The following CAMKMT variants were observed in gnomAD, a reference collection of about 807,000 sequenced individuals.
CAMKMT encodes calmodulin-lysine N-methyltransferase.
Under a neutral mutation model 48.0 loss-of-function variants are expected in CAMKMT, and 53 were observed. The observed-to-expected ratio is 1.10, with a 90% confidence interval of 0.89 to 1.39. CAMKMT has a LOEUF of 1.39. Among genes scored for constraint, CAMKMT ranks in the 40% most tolerant of loss-of-function variants. CAMKMT has a pLI of 0.00. For missense variants in CAMKMT, 428 were observed against 402.7 expected (o/e 1.06, Z -0.54); for synonymous variants, 165 against 152.3 (o/e 1.08, Z -0.61).
At chr2:44,721,214 G>T (rs1678445721) in intron 7 of CAMKMT, among the ~76,000 whole-genome samples, 1 of 152,120 alleles carries the variant, frequency 6.6e-6, no homozygotes, top group South Asian at 2.1e-4. Context: ...GTCTGACTTT[G>T]TTGGGAATCT....
intron 6 of CAMKMT, among the ~76,000 whole-genome samples, chr2:44,709,928 T>A (rs2104287758): frequency 6.6e-6 from 1 of 152,208 alleles, no homozygotes; most frequent in African/African-American, 2.4e-5. Context: ...AATGAATACA[T>A]CAGTGAAATG....
intron 3 of CAMKMT, among the ~76,000 whole-genome samples, chr2:44,586,321 GTATA>G (rs150949922): frequency 6.7e-6 from 1 of 149,816 alleles, no homozygotes; most frequent in African/African-American, 2.4e-5. Flanking sequence ...TTTAACATAT[GTATA>G]TATATATATA....
At chr2:44,654,742 C>T (rs888695389) in intron 3 of CAMKMT, among the ~76,000 whole-genome samples, 8 of 152,158 alleles carry the variant, frequency 5.3e-5, no homozygotes, top group Non-Finnish European at 1.0e-4. Flanking sequence ...CTCAAACTCC[C>T]GGCCTCGAGT....
chr2:44,723,906 C>A (rs990023494), intron 7 of CAMKMT: 6 of 152,152 alleles, frequency 3.9e-5, no homozygotes, highest in African/African-American at 1.2e-4. Context: ...AATTTTGTTT[C>A]ATGATAAAAT....
In CAMKMT at chr2:44,738,275, TC is replaced by T. The variant is rs528767020; in HGVS notation, c.624-5346del. On this transcript the variant is annotated intron_variant, in intron 7 of 10. Transcript: ENST00000378494. ...GTAGGGCTCATTTCATTTATTTCTGTCTTCTTAAGGATTACTGTCCTGTGTT... is the reference window on the plus strand; with the variant it reads ...GTAGGGCTCATTTCATTTATTTCTGTTTCTTAAGGATTACTGTCCTGTGTT... Among the ~76,000 whole-genome samples the T allele has an allele frequency of 4.0e-3, 617 of 152,378 alleles. 2 individuals are homozygous for T. Among genetic ancestry groups the T allele is most frequent in the Non-Finnish European group, 6.3e-3 (430 of 68,044 alleles).
chr2:44,549,623 T>A (rs886431839), intron 3 of CAMKMT: 3 of 654,412 alleles, frequency 4.6e-6, no homozygotes, highest in Non-Finnish European at 5.5e-6. Context: ...AGCCTCAAAC[T>A]CCTGAACTGC....
intron 7 of CAMKMT, among the ~76,000 whole-genome samples, chr2:44,721,967 T>A (rs1573164147): frequency 6.6e-6 from 1 of 152,190 alleles, no homozygotes; most frequent in East Asian, 1.9e-4. Context: ...TGCCTTTGCT[T>A]ATTCTGGACA....
At chr2:44,526,174 A>T (rs962742983) in intron 3 of CAMKMT, among the ~76,000 whole-genome samples, 2 of 152,236 alleles carry the variant, frequency 1.3e-5, no homozygotes, top group Admixed American at 6.5e-5. Flanking sequence ...CTTAAGCAAT[A>T]TGCCTCTTTC....
chr2:44,412,325 G>A (rs143478100), intron 3 of CAMKMT, among the ~76,000 whole-genome samples: 91 of 151,970 alleles, frequency 6.0e-4, no homozygotes, highest in African/African-American at 2.2e-3. Context: ...GTTTGTTTAA[G>A]TTTTTTTTGT....
At chr2:44,400,900 G>A (rs1682303366) in intron 3 of CAMKMT, 1 of 146,080 alleles carries the variant, frequency 6.8e-6, no homozygotes, top group Non-Finnish European at 1.5e-5. Flanking sequence ...GTACATGTAT[G>A]TGTGTATGTG....
At chr2:44,396,579 G>T (rs1044962360) in intron 3 of CAMKMT, among the ~76,000 whole-genome samples, 7 of 152,116 alleles carry the variant, frequency 4.6e-5, no homozygotes, top group Non-Finnish European at 8.8e-5. Flanking sequence ...TGGCAAAGAT[G>T]AAAGAAGTTA....
intron 3 of CAMKMT, among the ~76,000 whole-genome samples, chr2:44,592,048 C>G (rs1377878355): frequency 6.8e-6 from 1 of 148,034 alleles, no homozygotes; most frequent in Non-Finnish European, 1.5e-5. Flanking sequence ...GAACATCACA[C>G]TCTGGGGACT....
chr2:44,571,651 G>A (rs1457541786), intron 3 of CAMKMT, among the ~76,000 whole-genome samples: 7 of 151,930 alleles, frequency 4.6e-5, no homozygotes, highest in Admixed American at 3.3e-4. Context: ...TTGTTCTAAG[G>A]CCTTCTTTGA....
At chr2:44,392,742 T>A (rs553077918) in intron 3 of CAMKMT, among the ~76,000 whole-genome samples, 1 of 152,186 alleles carries the variant, frequency 6.6e-6, no homozygotes, top group East Asian at 1.9e-4. Context: ...GCCGATTTTT[T>A]AATTTTTAAA....
intron 3 of CAMKMT, among the ~76,000 whole-genome samples, chr2:44,432,790 A>G (rs1684727881): frequency 1.3e-5 from 2 of 151,500 alleles, no homozygotes; most frequent in African/African-American, 2.4e-5. Context: ...CTGGTTGCTA[A>G]TAGAGACTGT....
At chr2:44,392,376 G>C (rs1681430723) in intron 3 of CAMKMT, among the ~76,000 whole-genome samples, 1 of 151,946 alleles carries the variant, frequency 6.6e-6, no homozygotes. Context: ...TTCATTTAAT[G>C]ATAAATTGGT....
intron 3 of CAMKMT, among the ~76,000 whole-genome samples, chr2:44,645,977 A>G (rs1268621333): frequency 6.6e-6 from 1 of 152,248 alleles, no homozygotes; most frequent in Non-Finnish European, 1.5e-5. Flanking sequence ...AAGCATTGTA[A>G]ACATTATAGC....
At chr2:44,677,110 A>G (rs986477888) in intron 3 of CAMKMT, among the ~76,000 whole-genome samples, 7 of 152,178 alleles carry the variant, frequency 4.6e-5, no homozygotes, top group African/African-American at 1.7e-4. Context: ...CTTTATCAAT[A>G]TTGTTTTATA....
At chr2:44,396,050 T>G (rs1389139811) in intron 3 of CAMKMT, among the ~76,000 whole-genome samples, 1 of 152,150 alleles carries the variant, frequency 6.6e-6, no homozygotes, top group Non-Finnish European at 1.5e-5. Context: ...ATAAATAGTA[T>G]TGGGACCATT....
Sources: gnomAD v4.1 joint callset for allele counts (sites outside exome capture counted in the v4.1 genomes callset) on GRCh38, gnomAD v4.1.1 for gene constraint, MANE v1.5 for transcripts, NCBI Gene and HGNC (gene_info 2026-07-23, HGNC 2026-07-21) for gene names.